The following DNASE1L2 variants were observed in gnomAD, a reference collection of about 807,000 sequenced individuals.
DNASE1L2 encodes deoxyribonuclease-1-like 2.
In DNASE1L2, 35 loss-of-function variants were observed where a neutral mutation model predicts 31.8. The ratio of observed to expected loss-of-function variants is 1.10; its 90% CI spans 0.84 to 1.46. DNASE1L2 has a LOEUF of 1.46. Among genes scored for constraint, DNASE1L2 ranks in the 40% most tolerant of loss-of-function variants. The pLI is 0.00. For missense variants in DNASE1L2, 504 were observed against 418.8 expected (o/e 1.20, Z -1.77); for synonymous variants, 211 against 186.5 (o/e 1.13, Z -1.07).
rs1394802803 is a variant in DNASE1L2, at chr16:2,238,417, G to T, written c.899G>T (p.Ter300LeuextTer15). The T allele has an allele frequency of 1.2e-6, 2 of 1,613,432 alleles. No individual in the cohort carries two copies. Among genetic ancestry groups the T allele is most frequent in the Admixed American group, 3.3e-5 (2 of 60,028 alleles). Residue 300 changes from the stop codon to leucine (L), a stop_lost, in exon 7 of 7, where the codon TGA (stop) becomes TTA (leucine). Coordinates refer to ENST00000320700, the MANE Select transcript of DNASE1L2 (RefSeq NM_001374.3). ...PVEVTLKFHR[*>L] Reference sequence around the variant, plus strand: ...GAGGTGACCCTCAAGTTCCACCGATGACTCGAGGCCTGGCTGGGGCATGCC... The same window carrying T: ...GAGGTGACCCTCAAGTTCCACCGATTACTCGAGGCCTGGCTGGGGCATGCC...
rs757336279 is a variant in DNASE1L2 at position 2,236,893 on chromosome 16, C to T, written c.77C>T (p.Ala26Val). ...GGGACCGCCGCGCTTCGCATCGGAG[C>T]CTTCAACATTCAGAGCTTCGGTGAC... ...AAGTAALRIGAFNIQSFGDSK... is the reference protein window; with the variant it reads ...AAGTAALRIGVFNIQSFGDSK... Residue 26 changes from alanine (A) to valine (V), a missense_variant, in exon 2 of 7, where the codon GCC (alanine) becomes GTC (valine). Coordinates refer to ENST00000320700, the MANE Select transcript of DNASE1L2 (RefSeq NM_001374.3). 17 of 1,595,966 alleles carry T rather than the reference C, an allele frequency of 1.1e-5. No homozygotes were observed. The highest frequency in any genetic ancestry group is 1.5e-5 in the Non-Finnish European group (17 of 1,171,972).
Position 2,237,255 on chromosome 16 carries a change from C to A in DNASE1L2, c.271C>A (p.Pro91Thr), listed in dbSNP as rs779403886. 9 of 1,587,062 alleles carry A rather than the reference C, an allele frequency of 5.7e-6. No individual in the cohort carries two copies. Among genetic ancestry groups the A allele is most frequent in the Non-Finnish European group, 7.7e-6 (9 of 1,167,646 alleles). The change falls in exon 4 of 7, where the codon CCC (proline) becomes ACC (threonine). Residue 91 changes from proline (P) to threonine (T), a missense_variant. Physicochemically the swap from Pro to Thr is conservative, Grantham distance 38. Coordinates refer to ENST00000320700, the MANE Select transcript of DNASE1L2 (RefSeq NM_001374.3). ...CGAGTACAGCTTTGTGAGCAGCCAG[C>A]CCCTGGGCCGGGACCAGTACAAGGA... The part of the protein sequence containing the change: ...EHEYSFVSSQ[P>T]LGRDQYKEMY...
At chr16:2,238,216 A>G in intron 6 of DNASE1L2, 146 bp from the exon 7 acceptor site, 1 of 1,409,712 alleles carries the variant, frequency 7.1e-7, no homozygotes, top group Non-Finnish European at 9.7e-7. Context: ...TTTCCCTCAA[A>G]GGGCCAGTGG....
chr16:2,236,857 T>C lies in DNASE1L2; in HGVS notation c.41T>C (p.Leu14Pro). The C allele has an allele frequency of 1.3e-6, 2 of 1,598,746 alleles. No individual in the cohort carries two copies. Among genetic ancestry groups the C allele is most frequent in the African/African-American group, 2.7e-5 (2 of 74,876 alleles). Residue 14 changes from leucine (L) to proline (P), a missense_variant, in exon 2 of 7, where the codon CTG becomes CCG. By Grantham distance (98) the Leu-to-Pro change is moderately conservative. Coordinates refer to ENST00000320700, the MANE Select transcript of DNASE1L2 (RefSeq NM_001374.3). ...PRALLAALWA[L>P]EAAGTAALRI... ...GCTCTGCTGGCCGCACTCTGGGCGC[T>C]GGAAGCCGCCGGGACCGCCGCGCTT...
rs1391117902 is a variant in DNASE1L2 at position 2,237,200 on chromosome 16, G to T, written c.234-18G>T. On this transcript the variant is annotated intron_variant, in intron 3 of 6. Transcript: ENST00000320700. ...CCGGCGCGGCGCCCCGACCCTGAGC[G>T]GGCCCCTGTCTCCGCAGCGTGTCCG... The T allele has an allele frequency of 6.4e-7, 1 of 1,559,040 alleles. No homozygotes were observed. The highest frequency in any genetic ancestry group is 2.4e-5 in the East Asian group (1 of 42,026).
rs757336279 is a variant in DNASE1L2, at chr16:2,236,893, C to G, written c.77C>G (p.Ala26Gly). 1.3e-6 allele frequency: 2 copies of G among 1,596,084 alleles called. No individual in the cohort carries two copies. Among genetic ancestry groups the G allele is most frequent in the Non-Finnish European group, 1.7e-6 (2 of 1,171,964 alleles). The change falls in exon 2 of 7, where the codon GCC becomes GGC. Residue 26 changes from alanine (A) to glycine (G), a missense_variant. Transcript: ENST00000320700. ...AAGTAALRIG[A>G]FNIQSFGDSK... ...GGGACCGCCGCGCTTCGCATCGGAG[C>G]CTTCAACATTCAGAGCTTCGGTGAC...
intron 6 of DNASE1L2, 25 bp downstream of exon 6, chr16:2,238,043 G>A (rs776017143): frequency 8.9e-6 from 14 of 1,571,656 alleles, no homozygotes; most frequent in Non-Finnish European, 1.0e-5. Flanking sequence ...GGGCGGTGCT[G>A]GTCTTGGGTC....
chr16:2,236,500 G>A lies in DNASE1L2; in HGVS notation c.-100G>A. The A allele has an allele frequency of 1.7e-6, 2 of 1,170,424 alleles. No homozygotes were observed. Among genetic ancestry groups the A allele is most frequent in the Non-Finnish European group, 2.1e-6 (2 of 948,338 alleles). The allele number at this position is 1,170,424 out of a possible 1,614,324, so 72.5% of individuals were successfully genotyped here. ...CTGTGTCGGACACGCCCGCAGCCTG[G>A]ACCCGGGATCCCCATCCCCCTAGGA... On this transcript the variant is annotated 5_prime_UTR_variant, in exon 1 of 7. Transcript: ENST00000320700.
chr16:2,237,805 C>T lies in DNASE1L2; in HGVS notation c.630C>T (p.Ser210=), dbSNP rs2093517195. The part of the protein sequence containing the change: ...LFLGDFNADC[S]YVRAQDWAAI... ...TGGGCGACTTCAACGCCGACTGCAG[C>T]TATGTGCGGGCGCAGGACTGGGCCG... The change falls in exon 6 of 7, where the codon AGC becomes AGT. Residue 210 remains serine (S), a synonymous_variant. Transcript: ENST00000320700. 1.9e-6 allele frequency: 3 copies of T among 1,610,268 alleles called. No homozygotes were observed. In the African/African-American group the frequency reaches 4.0e-5, roughly 22 times the overall value.
rs774923516 is a variant in DNASE1L2 at position 2,237,518 on chromosome 16, C to A, written c.460C>A (p.Pro154Thr). Residue 154 changes from proline to threonine, a missense_variant, in exon 5 of 7, where the codon CCC (proline) becomes ACC (threonine). Pro to Thr is a conservative substitution (Grantham distance 38). Coordinates refer to ENST00000320700, the MANE Select transcript of DNASE1L2 (RefSeq NM_001374.3). ...PPLPSRRALT[P>T]PPLPAAAQNL... ...CCTCCCCTCCCGCCGAGCTCTGACGCCCCCACCCCTTCCCGCAGCAGCACA... is the reference window on the plus strand; with the variant it reads ...CCTCCCCTCCCGCCGAGCTCTGACGACCCCACCCCTTCCCGCAGCAGCACA... 6.3e-7 allele frequency: 1 copy of A among 1,594,368 alleles called. No individual in the cohort carries two copies. The highest frequency in any genetic ancestry group is 1.7e-5 in the Admixed American group (1 of 58,392).
At position 2,237,915 on chromosome 16, in the gene DNASE1L2, AC is replaced by A; in HGVS notation, c.741del (p.Tyr247Ter). The A allele has an allele frequency of 6.2e-7, 1 of 1,611,846 alleles. No homozygotes were observed. The highest frequency in any genetic ancestry group is 8.5e-7 in the Non-Finnish European group (1 of 1,179,698). Reference sequence around the variant, plus strand: ...ACGGTGGGCAACTCAGACTGCGCCTACGACCGCATTGTGGCCTGTGGCGCCC... The same window carrying A: ...ACGGTGGGCAACTCAGACTGCGCCTAGACCGCATTGTGGCCTGTGGCGCCC... ...DTTVGNSDCA[Y>X]DRIVACGARL... On this transcript the variant is annotated frameshift_variant, in exon 6 of 7. Transcript: ENST00000320700. LOFTEE classifies it high-confidence loss of function.
In DNASE1L2 at chr16:2,237,668, C is replaced by T. The variant is rs769409083; in HGVS notation, c.591+19C>T. The T allele has an allele frequency of 2.5e-6, 4 of 1,591,278 alleles. No homozygotes were observed. Among genetic ancestry groups the T allele is most frequent in the African/African-American group, 1.3e-5 (1 of 74,480 alleles). On this transcript the variant is annotated intron_variant, in intron 5 of 6. Coordinates refer to ENST00000320700, the MANE Select transcript of DNASE1L2 (RefSeq NM_001374.3). ...CACCGACGTAAGCCCACCCCTCGGTCCCGGGGTCCCTGCAGGCGCGCCCCG... is the reference window on the plus strand; with the variant it reads ...CACCGACGTAAGCCCACCCCTCGGTTCCGGGGTCCCTGCAGGCGCGCCCCG...
chr16:2,238,046 CTT>C, intron 6 of DNASE1L2, 28 bp downstream of exon 6: 4 of 1,569,232 alleles, frequency 2.5e-6, no homozygotes, highest in Non-Finnish European at 3.5e-6. Context: ...CGGTGCTGGT[CTT>C]GGGTCCCCAC....
In DNASE1L2 at chr16:2,238,685, A is replaced by G; in HGVS notation, c.*267A>G. ...TGCCCGGCAGATGTCTGCTCAATAA[A>G]TGAGCTGCTCCCGGTCGGGCCCCAC... is the stretch of plus-strand genomic sequence containing the variant. On this transcript the variant is annotated 3_prime_UTR_variant, in exon 7 of 7. Transcript: ENST00000320700. 3.9e-6 allele frequency: 2 copies of G among 509,840 alleles called. No homozygotes were observed. Among genetic ancestry groups the G allele is most frequent in the South Asian group, 4.6e-5 (2 of 43,904 alleles). 31.6% of individuals were successfully genotyped at this position (509,840 alleles called of 1,614,324 possible).
Position 2,237,526 on chromosome 16 carries a change from C to G in DNASE1L2, c.468C>G (p.Pro156=), listed in dbSNP as rs1182468486. 1 of 1,599,576 alleles carries G rather than the reference C, an allele frequency of 6.3e-7. No individual in the cohort carries two copies. Among genetic ancestry groups the G allele is most frequent in the East Asian group, 2.3e-5 (1 of 44,054 alleles). Residue 156 remains proline (P), a synonymous_variant, in exon 5 of 7, where the codon CCC becomes CCG. Transcript: ENST00000320700. ...CCCGCCGAGCTCTGACGCCCCCACC[C>G]CTTCCCGCAGCAGCACAGAACCTGG... is the stretch of plus-strand genomic sequence containing the variant. The part of the protein sequence containing the change: ...LPSRRALTPP[P]LPAAAQNLVL...
rs1053331197 is a variant in DNASE1L2, at chr16:2,238,507, C to A, written c.*89C>A. The stretch of plus-strand genomic sequence containing the variant: ...CCCCTTCAGGGTGGCAGCCACCCTT[C>A]AGTGAGGCCCCAAGGCAGAGTCGGC... On this transcript the variant is annotated 3_prime_UTR_variant, in exon 7 of 7. Transcript: ENST00000320700. 3 of 1,489,518 alleles carry A rather than the reference C, an allele frequency of 2.0e-6. No individual in the cohort carries two copies. The highest frequency in any genetic ancestry group is 1.4e-5 in the African/African-American group (1 of 72,226). 92.3% of individuals were successfully genotyped at this position (1,489,518 alleles called of 1,614,324 possible).
rs1321271188 is a variant in DNASE1L2 at position 2,238,573 on chromosome 16, C to T, written c.*155C>T. ...GGCCATGGACACGTGATGTGCTGCT[C>T]TGTACCTCCGTTCCCCATCTGTGGG... On this transcript the variant is annotated 3_prime_UTR_variant, in exon 7 of 7. Coordinates refer to ENST00000320700, the MANE Select transcript of DNASE1L2 (RefSeq NM_001374.3). 1.2e-6 allele frequency: 1 copy of T among 853,984 alleles called. No homozygotes were observed. Among genetic ancestry groups the T allele is most frequent in the Non-Finnish European group, 1.9e-6 (1 of 534,756 alleles). 52.9% of individuals were successfully genotyped at this position (853,984 alleles called of 1,614,324 possible). A position where few individuals can be genotyped will look rare whatever the true frequency, so the allele number is the denominator to read the frequency against.
chr16:2,237,348 G>T, intron 4 of DNASE1L2, 28 bp from the exon 5 acceptor site: 1 of 1,597,254 alleles, frequency 6.3e-7, no homozygotes. Flanking sequence ...GCAGGTCGGG[G>T]GCTCAGCGGG....
At position 2,237,656 on chromosome 16, in the gene DNASE1L2, C is replaced by T. The variant is rs757606487; in HGVS notation, c.591+7C>T. The T allele has an allele frequency of 1.1e-5, 18 of 1,594,582 alleles. No individual in the cohort carries two copies. Among genetic ancestry groups the T allele is most frequent in the Middle Eastern group, 3.3e-4 (2 of 5,990 alleles). On this transcript the variant is annotated splice_region_variant and intron_variant, in intron 5 of 6. Transcript: ENST00000320700. ...CGACAAGTGGGGCACCGACGTAAGC[C>T]CACCCCTCGGTCCCGGGGTCCCTGC...
Sources: gnomAD v4.1 joint callset for allele counts on GRCh38, gnomAD v4.1.1 for gene constraint, MANE v1.5 for transcripts, NCBI Gene and HGNC (gene_info 2026-07-23, HGNC 2026-07-21) for gene names.